The following GALNT2 variants were observed in gnomAD, a reference collection of about 807,000 sequenced individuals.
The protein encoded by GALNT2 is UDP-GalNAc:polypeptide N-acetylgalactosaminyltransferase 2.
A neutral mutation model predicts 81.4 loss-of-function variants in GALNT2; 31 were observed. That is an observed-to-expected ratio of 0.38 (90% confidence interval 0.29 to 0.51). The LOEUF (loss-of-function observed/expected upper bound fraction) is 0.51, where lower values mean the gene tolerates loss of function less well. Ranked by LOEUF, GALNT2 falls within the 20% of genes least tolerant of loss-of-function variation. GALNT2 has a pLI of 0.87. For missense variants in GALNT2, 629 were observed against 765.7 expected (o/e 0.82, Z 2.11); for synonymous variants, 303 against 287.4 (o/e 1.05, Z -0.55).
intron 3 of GALNT2, among the ~76,000 whole-genome samples, chr1:230,220,618 C>T (rs966905942): frequency 6.6e-6 from 1 of 152,138 alleles, no homozygotes; most frequent in African/African-American, 2.4e-5. Flanking sequence ...TCGGTAGCTG[C>T]TTTTATGGAA....
chr1:230,084,145 AG>A (rs1208466258), intron 1 of GALNT2, among the ~76,000 whole-genome samples: 1 of 152,142 alleles, frequency 6.6e-6, no homozygotes, highest in African/African-American at 2.4e-5. Context: ...GAGTGTCTTG[AG>A]GCCAGCACAG....
chr1:230,140,646 A>G (rs2102823539), intron 1 of GALNT2, among the ~76,000 whole-genome samples: 2 of 152,346 alleles, frequency 1.3e-5, no homozygotes, highest in Non-Finnish European at 1.5e-5. Flanking sequence ...GCAAACGTGT[A>G]TTATGGTTTT....
intron 1 of GALNT2, among the ~76,000 whole-genome samples, chr1:230,162,946 T>C (rs1662480924): frequency 6.6e-6 from 1 of 152,206 alleles, no homozygotes; most frequent in Non-Finnish European, 1.5e-5. Flanking sequence ...TAACTTTGGG[T>C]CTTCATTCTG....
intron 1 of GALNT2, among the ~76,000 whole-genome samples, chr1:230,098,043 A>G (rs1225917394): frequency 6.6e-6 from 1 of 152,250 alleles, no homozygotes; most frequent in Non-Finnish European, 1.5e-5. Flanking sequence ...CTGGGTAGGT[A>G]GACATTTAAA....
chr1:230,064,848 C>T (rs571886313), upstream of GALNT2, among the ~76,000 whole-genome samples: 23 of 152,322 alleles, frequency 1.5e-4, no homozygotes, highest in African/African-American at 5.5e-4. Context: ...TGCTGCTCCA[C>T]TGTTGCCTGG....
chr1:230,155,712 A>G (rs562356904), intron 1 of GALNT2, among the ~76,000 whole-genome samples: 4 of 152,264 alleles, frequency 2.6e-5, no homozygotes, highest in African/African-American at 9.6e-5. Context: ...CTGGGCTCCC[A>G]AGTGCATAGC....
In GALNT2 at chr1:230,275,170, C is replaced by T. The variant is rs1010684034; in HGVS notation, c.1560+606C>T. 2.0e-5 allele frequency among the ~76,000 whole-genome samples: 3 copies of T among 149,568 alleles called. No homozygotes were observed. The highest frequency in any genetic ancestry group is 4.5e-5 in the Non-Finnish European group (3 of 67,386). ...ATATACACACCACATATACATATAC[C>T]TGCCACATATATACATATATAAACA... On this transcript the variant is annotated intron_variant, in intron 15 of 15. Transcript: ENST00000366672. This position sits in a 1 kb window ranked among gnomAD's most constrained non-coding sequence, Gnocchi z 5.5.
At chr1:230,125,298 A>G (rs1386409904) in intron 1 of GALNT2, among the ~76,000 whole-genome samples, 1 of 152,238 alleles carries the variant, frequency 6.6e-6, no homozygotes, top group Non-Finnish European at 1.5e-5. Flanking sequence ...TGTACAGGCC[A>G]GAGAAGGGAG....
chr1:230,156,224 AGAGAGAGAAAGAGAGAGAGAGTGT>A (rs1201200659), intron 1 of GALNT2, among the ~76,000 whole-genome samples: 1 of 141,330 alleles, frequency 7.1e-6, no homozygotes, highest in Non-Finnish European at 1.6e-5. Flanking sequence ...AGAGAGAGAG[AGAGAGAGAAAGAGAGAGAGAGTGT>A]GTGTGTGTGT....
intron 1 of GALNT2, among the ~76,000 whole-genome samples, chr1:230,104,269 C>G (rs1405709572): frequency 6.6e-6 from 1 of 152,080 alleles, no homozygotes; most frequent in African/African-American, 2.4e-5. Context: ...CTCCTTTCTC[C>G]AAAGGTTAAT....
rs573215832 is a variant in GALNT2, at chr1:230,250,791, T to A, written c.1009+231T>A. On this transcript the variant is annotated intron_variant, in intron 10 of 15. Coordinates refer to ENST00000366672, the MANE Select transcript of GALNT2 (RefSeq NM_004481.5). The stretch of plus-strand genomic sequence containing the variant: ...AGGATGCCAGAATACGGATAAAGTC[T>A]TTGAAGGGAAATGCAAACTCTTTCA... 2.0e-5 allele frequency among the ~76,000 whole-genome samples: 3 copies of A among 152,250 alleles called. No individual in the cohort carries two copies. In the South Asian group the frequency reaches 6.2e-4, roughly 32 times the overall value.
chr1:230,199,160 A>G (rs1457720413), intron 2 of GALNT2, among the ~76,000 whole-genome samples: 1 of 152,186 alleles, frequency 6.6e-6, no homozygotes, highest in Non-Finnish European at 1.5e-5. Flanking sequence ...TGTATGGATG[A>G]CATGTCATAT....
chr1:230,133,810 T>TC (rs1661447368), intron 1 of GALNT2, among the ~76,000 whole-genome samples: 5 of 152,204 alleles, frequency 3.3e-5, no homozygotes, highest in Admixed American at 1.3e-4. Flanking sequence ...TGTTACCTGA[T>TC]CCCGTAGCCT....
chr1:230,270,170 C>T (rs887603240), intron 14 of GALNT2, among the ~76,000 whole-genome samples: 1 of 152,160 alleles, frequency 6.6e-6, no homozygotes, highest in African/African-American at 2.4e-5. Context: ...CACTATACTC[C>T]AGCCTGGGTG....
intron 1 of GALNT2, among the ~76,000 whole-genome samples, chr1:230,131,987 C>A (rs1661382613): frequency 6.6e-6 from 1 of 152,168 alleles, no homozygotes; most frequent in Non-Finnish European, 1.5e-5. Flanking sequence ...TCGTTACCTC[C>A]TTCCTGCTCT....
intron 14 of GALNT2, among the ~76,000 whole-genome samples, chr1:230,272,309 C>T (rs1274367227): frequency 1.4e-5 from 2 of 142,402 alleles, no homozygotes; most frequent in Non-Finnish European, 3.1e-5. Context: ...AGAAGGTGGC[C>T]GGCAGGGCTG....
chr1:230,147,473 G>GA (rs1661956002), intron 1 of GALNT2, among the ~76,000 whole-genome samples: 1 of 152,252 alleles, frequency 6.6e-6, no homozygotes, highest in African/African-American at 2.4e-5. Flanking sequence ...GCTGTGGGCT[G>GA]AGACTGGTGT....
chr1:230,272,916 G>A lies in GALNT2; in HGVS notation c.1441-1529G>A, dbSNP rs1666192308. ...CCCAAGTAGCTGGGACCACAGGCAT[G>A]CACTGCCACACCCGGTCAACTTATT... On this transcript the variant is annotated intron_variant, in intron 14 of 15. Coordinates refer to ENST00000366672, the MANE Select transcript of GALNT2 (RefSeq NM_004481.5). Among the ~76,000 whole-genome samples, 3 of 152,212 alleles carry A rather than the reference G, an allele frequency of 2.0e-5. No homozygotes were observed. In the South Asian group the frequency reaches 6.2e-4, roughly 32 times the overall value.
intron 1 of GALNT2, among the ~76,000 whole-genome samples, chr1:230,142,895 C>T (rs1348415881): frequency 6.6e-6 from 1 of 152,156 alleles, no homozygotes; most frequent in Non-Finnish European, 1.5e-5. Flanking sequence ...GAGAATTGGC[C>T]CGTACCCTGG....
Sources: allele counts gnomAD v4.1 joint callset (sites outside exome capture counted in the v4.1 genomes callset), GRCh38; gene constraint gnomAD v4.1.1; non-coding constraint Gnocchi (gnomAD v3.1); transcripts MANE v1.5; gene names NCBI Gene and HGNC (gene_info 2026-07-23, HGNC 2026-07-21).